The following MYLK variants were observed in gnomAD, a reference collection of about 807,000 sequenced individuals.
The protein encoded by MYLK is myosin light chain kinase, also known as myosin light chain kinase, smooth muscle.
A neutral mutation model predicts 203.4 loss-of-function variants in MYLK; 106 were observed. That is an observed-to-expected ratio of 0.52 (90% CI 0.45 to 0.61). MYLK has a LOEUF of 0.61. Among genes scored for constraint, MYLK ranks in the 20% least tolerant of loss-of-function variants. The probability of loss-of-function intolerance (pLI) is 0.00; values close to 1 mark genes in which losing one functional copy is unlikely to be tolerated. For synonymous variants in MYLK, 867 were observed against 959.5 expected (o/e 0.90, Z 1.78); for missense variants, 2,072 against 2,442.3 (o/e 0.85, Z 3.20).
In MYLK at chr3:123,647,390, T is replaced by C. The variant is rs968890615; in HGVS notation, c.4453A>G (p.Lys1485Glu). Residue 1485 changes from lysine (K) to glutamate (E), a missense_variant, in exon 27 of 34, where the codon AAA becomes GAA. Lys to Glu is a moderately conservative substitution (Grantham distance 56). Coordinates refer to ENST00000360304, the MANE Select transcript of MYLK (RefSeq NM_053025.4). ...TTCCCTGCCCAGACTTTTCGAGTTT[T>C]CTTTTCTACAAGTCGAAAGACCTGT... is the stretch of plus-strand genomic sequence containing the variant. Reference protein sequence around the residue: ...FGQVFRLVEKKTRKVWAGKFF... With the variant: ...FGQVFRLVEKETRKVWAGKFF... The C allele has an allele frequency of 5.0e-6, 8 of 1,614,128 alleles. No individual in the cohort carries two copies. The Admixed American group carries it at 8.3e-5, about 17-fold the overall frequency.
chr3:123,827,006 A>G (rs940524380), intron 3 of MYLK, among the ~76,000 whole-genome samples: 1 of 152,076 alleles, frequency 6.6e-6, no homozygotes, highest in African/African-American at 2.4e-5. Context: ...CACAACCATA[A>G]AAAAATCAGA....
intron 2 of MYLK, among the ~76,000 whole-genome samples, chr3:123,866,672 G>A (rs924345508): frequency 6.6e-6 from 1 of 152,084 alleles, no homozygotes; most frequent in Non-Finnish European, 1.5e-5. Flanking sequence ...GGAAAGACCT[G>A]GGATGGAAAA....
Position 123,733,875 on chromosome 3 carries a change from G to C in MYLK, c.1121C>G (p.Pro374Arg), listed in dbSNP as rs2062580400. ...LSPSGEERKR[P>R]APPRPATFPT... ...GAAGGTGGCTGGACGGGGAGGAGCTGGCCTCTTCCTCTCTTCTCCAGAAGG... is the reference window on the plus strand; with the variant it reads ...GAAGGTGGCTGGACGGGGAGGAGCTCGCCTCTTCCTCTCTTCTCCAGAAGG... The change falls in exon 10 of 34, where the codon CCA becomes CGA. Residue 374 changes from proline to arginine, a missense_variant. Around this residue, in one of 3 missense-constraint regions of MYLK, gnomAD observed 683 missense variants for 643.8 expected, o/e 1.06. Coordinates refer to ENST00000360304, the MANE Select transcript of MYLK (RefSeq NM_053025.4). 1 of 1,614,172 alleles carries C rather than the reference G, an allele frequency of 6.2e-7. No homozygotes were observed.
At chr3:123,847,086 A>G (rs1462224545) in intron 2 of MYLK, among the ~76,000 whole-genome samples, 3 of 152,184 alleles carry the variant, frequency 2.0e-5, no homozygotes, top group Non-Finnish European at 4.4e-5. Context: ...TAAAAATAAC[A>G]ACACAACAAT....
chr3:123,684,636 TCCC>T (rs2108472669), intron 19 of MYLK, among the ~76,000 whole-genome samples: 1 of 152,268 alleles, frequency 6.6e-6, no homozygotes, highest in Non-Finnish European at 1.5e-5. Flanking sequence ...AACCTCTGCC[TCCC>T]AGGTTCAAGT....
At chr3:123,650,473 C>T (rs909629057) in intron 24 of MYLK, among the ~76,000 whole-genome samples, 3 of 151,530 alleles carry the variant, frequency 2.0e-5, no homozygotes, top group Admixed American at 1.3e-4. Context: ...GCGGGTGTAC[C>T]GGTGTGAGTG....
chr3:123,879,679 G>A (rs1441040015), intron 1 of MYLK, among the ~76,000 whole-genome samples: 1 of 152,048 alleles, frequency 6.6e-6, no homozygotes, highest in East Asian at 1.9e-4. Context: ...CTGTCGCCTG[G>A]GCTGGAGTGC....
At chr3:123,692,427 T>C (rs1273936737) in intron 19 of MYLK, 1 of 1,221,824 alleles carries the variant, frequency 8.2e-7, no homozygotes, top group African/African-American at 1.6e-5. Context: ...GGGTGTGTCT[T>C]TTCTACTGCC....
intron 2 of MYLK, among the ~76,000 whole-genome samples, chr3:123,868,582 T>C (rs2032505149): frequency 6.6e-6 from 1 of 152,206 alleles, no homozygotes; most frequent in African/African-American, 2.4e-5. Context: ...TTCAAGGTCA[T>C]ACAGTGAGGA....
chr3:123,737,636 C>G, intron 7 of MYLK, 93 bp from the exon 8 acceptor site: 1 of 1,535,718 alleles, frequency 6.5e-7, no homozygotes, highest in East Asian at 2.2e-5. Flanking sequence ...GGGATAGACT[C>G]CAGGGCCTGG....
chr3:123,817,433 C>T (rs561561468), intron 3 of MYLK, among the ~76,000 whole-genome samples: 146 of 152,304 alleles, frequency 9.6e-4, no homozygotes, highest in African/African-American at 3.3e-3. Flanking sequence ...TCCCTACCTG[C>T]CCAGGGTTCC....
At chr3:123,878,056 C>T (rs372769637) in intron 1 of MYLK, among the ~76,000 whole-genome samples, 19 of 152,306 alleles carry the variant, frequency 1.2e-4, no homozygotes, top group East Asian at 1.2e-3. Context: ...CCATTTACCC[C>T]ATTAGCCAGT....
intron 13 of MYLK, among the ~76,000 whole-genome samples, chr3:123,719,831 C>T (rs2332587): frequency 7.2e-5 from 11 of 152,206 alleles, no homozygotes; most frequent in African/African-American, 2.4e-4. Flanking sequence ...TGATCATCTC[C>T]CCCAGCCCAG....
intron 2 of MYLK, among the ~76,000 whole-genome samples, chr3:123,861,899 G>A (rs2031958580): frequency 6.6e-6 from 1 of 152,160 alleles, no homozygotes; most frequent in Admixed American, 6.5e-5. Context: ...GGTTTCTGTG[G>A]GCCATCTGGG....
chr3:123,829,395 A>G (rs1055104852), intron 3 of MYLK, among the ~76,000 whole-genome samples: 1 of 152,170 alleles, frequency 6.6e-6, no homozygotes, highest in Non-Finnish European at 1.5e-5. Context: ...AAAAATATTG[A>G]TCTCAAAGAA....
In MYLK at chr3:123,725,959, T is replaced by C; in HGVS notation, c.1636A>G (p.Thr546Ala). Reference sequence around the variant, plus strand: ...GGGAACTCACCATTCAGCAGCCAAGTGATCCGGGGCACTGGGGTCCCCCGT... The same window carrying C: ...GGGAACTCACCATTCAGCAGCCAAGCGATCCGGGGCACTGGGGTCCCCCGT... ...SVRGTPVPRI[T>A]WLLNGQPIQY... is the part of the protein sequence containing the mutation. Residue 546 changes from threonine to alanine, a missense_variant, in exon 12 of 34, where the codon ACT becomes GCT. This residue lies in a region of MYLK where 865 missense variants were observed against 1,016.0 expected (regional missense o/e 0.85). Coordinates refer to ENST00000360304, the MANE Select transcript of MYLK (RefSeq NM_053025.4). 1.2e-6 allele frequency: 2 copies of C among 1,614,038 alleles called. No homozygotes were observed. The highest frequency in any genetic ancestry group is 2.2e-5 in the South Asian group (2 of 91,062).
chr3:123,708,077 G>C, intron 15 of MYLK, 74 bp from the exon 16 acceptor site: 1 of 1,591,096 alleles, frequency 6.3e-7, no homozygotes, highest in Non-Finnish European at 8.6e-7. Flanking sequence ...TCTCCATGGA[G>C]GTGAAGGATG....
At chr3:123,802,299 T>C (rs944736610) in intron 3 of MYLK, among the ~76,000 whole-genome samples, 5 of 152,190 alleles carry the variant, frequency 3.3e-5, no homozygotes, top group Non-Finnish European at 7.4e-5. Context: ...GGTTCCCACA[T>C]GAAAGCAGGC....
intron 2 of MYLK, among the ~76,000 whole-genome samples, chr3:123,850,120 C>T (rs1031774305): frequency 6.6e-4 from 100 of 152,322 alleles, no homozygotes; most frequent in African/African-American, 2.3e-3. Context: ...ATATGTGCCA[C>T]ATTTTCTTAA....
Sources: gnomAD v4.1 joint callset for allele counts (sites outside exome capture counted in the v4.1 genomes callset) on GRCh38, gnomAD v4.1.1 for gene constraint, gnomAD v4.1.1 regional missense constraint, MANE v1.5 for transcripts, NCBI Gene and HGNC (gene_info 2026-07-23, HGNC 2026-07-21) for gene names.